Variants in ALK observed in about 807,000 individuals in gnomAD.
ALK encodes the protein ALK tyrosine kinase receptor.
In ALK, 74 loss-of-function variants were observed where a neutral mutation model predicts 163.1. That is an observed-to-expected ratio of 0.45 (90% confidence interval 0.38 to 0.55). The LOEUF (loss-of-function observed/expected upper bound fraction) is 0.55. Ranked by LOEUF, ALK falls within the 20% of genes least tolerant of loss-of-function variation. ALK has a pLI of 0.00. For missense variants in ALK, 2,063 were observed against 2,105.3 expected (o/e 0.98, Z 0.39); for synonymous variants, 960 against 843.2 (o/e 1.14, Z -2.40).
intron 8 of ALK, among the ~76,000 whole-genome samples, chr2:29,299,499 A>G (rs927725793): frequency 9.9e-5 from 15 of 152,252 alleles, no homozygotes; most frequent in Non-Finnish European, 2.2e-4. Context: ...ACTTTGGCCT[A>G]GTTATTTAAT....
At chr2:29,871,281 T>C (rs965624164) in intron 1 of ALK, among the ~76,000 whole-genome samples, 1 of 152,228 alleles carries the variant, frequency 6.6e-6, no homozygotes, top group Admixed American at 6.5e-5. Flanking sequence ...TCCCGGGTTA[T>C]CTCCAAGGGC....
Position 29,227,492 on chromosome 2 carries a change from A to G in ALK, c.2914+82T>C. ...ATAATTGTGCCTCTGTATCCTGGAT[A>G]CAGGTCAGAGACTCTGAGGTTTTAG... On this transcript the variant is annotated intron_variant, in intron 17 of 28. Coordinates refer to ENST00000389048, the MANE Select transcript of ALK (RefSeq NM_004304.5). The surrounding 1 kb of genome is among the most constrained non-coding windows in gnomAD (Gnocchi z 4.4). The G allele has an allele frequency of 8.3e-7, 1 of 1,209,604 alleles. No homozygotes were observed. The highest frequency in any genetic ancestry group is 1.2e-6 in the Non-Finnish European group (1 of 811,070). The allele number at this position is 1,209,604 out of a possible 1,614,324, so 74.9% of individuals were successfully genotyped here. A position where few individuals can be genotyped will look rare whatever the true frequency, so the allele number is the denominator to read the frequency against.
intron 4 of ALK, among the ~76,000 whole-genome samples, chr2:29,523,279 T>C (rs1672863585): frequency 6.6e-6 from 1 of 152,172 alleles, no homozygotes; most frequent in Admixed American, 6.5e-5. Context: ...TCAAGTGTCC[T>C]TCTCAGGGCT....
intron 4 of ALK, among the ~76,000 whole-genome samples, chr2:29,494,201 G>A (rs55926548): frequency 6.6e-6 from 1 of 152,028 alleles, no homozygotes; most frequent in Non-Finnish European, 1.5e-5. Flanking sequence ...AGAAGGTGCA[G>A]TATAAATGGC....
At chr2:29,459,880 G>A (rs1343396546) in intron 4 of ALK, among the ~76,000 whole-genome samples, 1 of 152,110 alleles carries the variant, frequency 6.6e-6, no homozygotes, top group Admixed American at 6.5e-5. Flanking sequence ...TGAATTTTAT[G>A]TTACTTTCAG....
At chr2:29,646,040 T>C (rs1052709077) in intron 3 of ALK, among the ~76,000 whole-genome samples, 3 of 152,110 alleles carry the variant, frequency 2.0e-5, no homozygotes, top group Non-Finnish European at 4.4e-5. Flanking sequence ...CCGAGACCAC[T>C]GCCCTGAGAT....
intron 26 of ALK, among the ~76,000 whole-genome samples, chr2:29,200,743 A>G (rs1248001963): frequency 1.8e-4 from 20 of 110,898 alleles, no homozygotes; most frequent in Admixed American, 1.1e-3. Flanking sequence ...ATATATACGT[A>G]TATATATACG....
At chr2:29,375,548 A>G (rs1668734221) in intron 5 of ALK, among the ~76,000 whole-genome samples, 1 of 152,020 alleles carries the variant, frequency 6.6e-6, no homozygotes, top group Non-Finnish European at 1.5e-5. Context: ...TGATCTCCTG[A>G]CCTCGTGATC....
chr2:29,769,525 T>C (rs1254638895), intron 1 of ALK, among the ~76,000 whole-genome samples: 5 of 152,144 alleles, frequency 3.3e-5, no homozygotes, highest in Non-Finnish European at 5.9e-5. Context: ...CACCAGTATC[T>C]GAGCCTCAGC....
chr2:29,347,231 A>C lies in ALK; in HGVS notation c.1283-18750T>G, dbSNP rs576802953. ...TGGCTGCCAGTTCAGGGCTTCTCCT[A>C]GAACATTCTAAGAGTGGGGTCTCTG... On this transcript the variant is annotated intron_variant, in intron 5 of 28. Transcript: ENST00000389048. Among the ~76,000 whole-genome samples the C allele has an allele frequency of 3.9e-5, 6 of 152,316 alleles. No homozygotes were observed. The East Asian group carries it at 1.2e-3, about 29-fold the overall frequency.
intron 9 of ALK, among the ~76,000 whole-genome samples, chr2:29,283,186 C>T (rs1443006912): frequency 6.6e-6 from 1 of 152,168 alleles, no homozygotes; most frequent in Non-Finnish European, 1.5e-5. Context: ...GAGATAGTAG[C>T]GGATGTGGGA....
At chr2:29,597,717 G>C (rs1675252591) in intron 3 of ALK, among the ~76,000 whole-genome samples, 1 of 152,180 alleles carries the variant, frequency 6.6e-6, no homozygotes, top group South Asian at 2.1e-4. Context: ...ATGTACAGCT[G>C]CTTAGCTGGA....
At chr2:29,429,688 C>T (rs574891161) in intron 4 of ALK, among the ~76,000 whole-genome samples, 19 of 152,094 alleles carry the variant, frequency 1.2e-4, no homozygotes, top group African/African-American at 4.1e-4. Context: ...TAATCCCTAT[C>T]AGAATCCCAG....
intron 23 of ALK, among the ~76,000 whole-genome samples, chr2:29,215,393 C>T (rs534786912): frequency 3.3e-5 from 5 of 152,288 alleles, no homozygotes; most frequent in East Asian, 1.9e-4. Flanking sequence ...TTCTCTAGGC[C>T]GTGCTTCAGT....
intron 1 of ALK, among the ~76,000 whole-genome samples, chr2:29,833,707 T>C (rs1356962171): frequency 6.6e-6 from 1 of 152,190 alleles, no homozygotes; most frequent in Non-Finnish European, 1.5e-5. Context: ...CTCACAGATG[T>C]AGAATTTACT....
chr2:29,391,312 G>GT lies in ALK; in HGVS notation c.1155-7454_1155-7453insA, dbSNP rs201057682. 6.8e-4 allele frequency among the ~76,000 whole-genome samples: 98 copies of GT among 143,468 alleles called. No homozygotes were observed. The East Asian group carries it at 0.019, about 28-fold the overall frequency. The allele number at this position is 143,468 out of a possible 152,430, so 94.1% of individuals were successfully genotyped here. On this transcript the variant is annotated intron_variant, in intron 4 of 28. Transcript: ENST00000389048. Reference sequence around the variant, plus strand: ...TTCCTAGCCTCTTTTTTTTGGGGGGGGGGTGGTGGTGTGGAGTGTCACTCT... The same window carrying GT: ...TTCCTAGCCTCTTTTTTTTGGGGGGGTGGGTGGTGGTGTGGAGTGTCACTCT...
At chr2:29,834,300 G>A (rs943139430) in intron 1 of ALK, among the ~76,000 whole-genome samples, 14 of 152,174 alleles carry the variant, frequency 9.2e-5, no homozygotes, top group African/African-American at 3.4e-4. Flanking sequence ...TAGAAAAAAA[G>A]TGAAAAATTC....
chr2:29,544,310 G>C (rs1220621021), intron 3 of ALK, among the ~76,000 whole-genome samples: 1 of 152,156 alleles, frequency 6.6e-6, no homozygotes. Context: ...AAGGCTCTGT[G>C]GGCGAATGAG....
chr2:29,583,035 G>GTTT (rs10637189), intron 3 of ALK, among the ~76,000 whole-genome samples: 3 of 108,030 alleles, frequency 2.8e-5, no homozygotes, highest in East Asian at 2.4e-4. Context: ...GCTAACTTTT[G>GTTT]TTTTTTGTTT....
Sources: gnomAD v4.1 joint callset for allele counts (sites outside exome capture counted in the v4.1 genomes callset) on GRCh38, gnomAD v4.1.1 for gene constraint, Gnocchi (gnomAD v3.1) non-coding constraint, MANE v1.5 for transcripts, NCBI Gene and HGNC (gene_info 2026-07-23, HGNC 2026-07-21) for gene names.